The following ABCC1 variants were observed in gnomAD, a reference collection of about 807,000 sequenced individuals.
The protein encoded by ABCC1 is multidrug resistance-associated protein 1.
Under a neutral mutation model 172.9 loss-of-function variants are expected in ABCC1, and 83 were observed. The ratio of observed to expected loss-of-function variants is 0.48; its 90% confidence interval spans 0.40 to 0.58. ABCC1 has a LOEUF of 0.58. Ranked by LOEUF, ABCC1 falls within the 20% of genes least tolerant of loss-of-function variation. The pLI, the probability that ABCC1 is intolerant of heterozygous loss-of-function variation, is 0.00. For missense variants in ABCC1, 1,817 were observed against 2,002.7 expected (o/e 0.91, Z 1.77); for synonymous variants, 937 against 825.2 (o/e 1.14, Z -2.32).
intron 26 of ABCC1, among the ~76,000 whole-genome samples, chr16:16,128,590 T>C (rs187499817): frequency 1.3e-4 from 20 of 152,350 alleles, no homozygotes; most frequent in East Asian, 3.9e-4. Flanking sequence ...TATATATAGA[T>C]AGAAAGTTCC....
intron 30 of ABCC1, 21 bp from the exon 31 acceptor site, chr16:16,141,152 T>G: frequency 1.2e-6 from 2 of 1,610,862 alleles, no homozygotes; most frequent in Non-Finnish European, 1.7e-6. Context: ...TCCCCTCATG[T>G]CTGTATCCCC....
intron 1 of ABCC1, among the ~76,000 whole-genome samples, chr16:15,985,194 A>C (rs1038053807): frequency 6.6e-6 from 1 of 152,326 alleles, no homozygotes; most frequent in Admixed American, 6.5e-5. Flanking sequence ...GCCATTCTAA[A>C]GCATTTTCCT....
At chr16:16,050,593 A>G (rs1329367095) in intron 10 of ABCC1, among the ~76,000 whole-genome samples, 1 of 152,016 alleles carries the variant, frequency 6.6e-6, no homozygotes, top group Non-Finnish European at 1.5e-5. Flanking sequence ...CCAGAATTTA[A>G]TTGTCTAATA....
intron 19 of ABCC1, among the ~76,000 whole-genome samples, chr16:16,101,397 A>G (rs1209120106): frequency 6.6e-6 from 1 of 152,142 alleles, no homozygotes; most frequent in Non-Finnish European, 1.5e-5. Context: ...AATTCCTGGC[A>G]TGGAGTGCCT....
intron 11 of ABCC1, among the ~76,000 whole-genome samples, chr16:16,053,774 CAAAAAAAAAAAAAAAA>C (rs10526186): frequency 7.6e-3 from 276 of 36,182 alleles, no homozygotes; most frequent in Non-Finnish European, 0.017. Flanking sequence ...GACCCTGTCT[CAAAAAAAAAAAAAAAA>C]AAAAAAAAAA....
intron 19 of ABCC1, among the ~76,000 whole-genome samples, chr16:16,097,340 G>A (rs535448383): frequency 5.3e-5 from 8 of 152,050 alleles, no homozygotes; most frequent in South Asian, 2.1e-4. Context: ...CTTGAACTCC[G>A]GACCTCAAGT....
chr16:16,044,832 T>C, intron 8 of ABCC1, 152 bp downstream of exon 8: 1 of 733,414 alleles, frequency 1.4e-6, no homozygotes, highest in Non-Finnish European at 2.2e-6. Flanking sequence ...TTGAAAAAAA[T>C]AGAGACAGGG....
At chr16:16,129,198 C>T (rs1308190906) in intron 26 of ABCC1, among the ~76,000 whole-genome samples, 1 of 152,124 alleles carries the variant, frequency 6.6e-6, no homozygotes, top group African/African-American at 2.4e-5. Context: ...ACCTGTTATC[C>T]TGTGAAACCT....
chr16:16,064,228 G>A (rs1036833930), intron 12 of ABCC1, among the ~76,000 whole-genome samples: 4 of 152,070 alleles, frequency 2.6e-5, no homozygotes, highest in African/African-American at 9.7e-5. Context: ...GTGTATGAAG[G>A]GCTTTTGCAC....
chr16:16,019,288 G>A (rs2048114755), intron 5 of ABCC1, among the ~76,000 whole-genome samples: 1 of 152,046 alleles, frequency 6.6e-6, no homozygotes. Flanking sequence ...ATTTTTAGTA[G>A]AGATGGGGCT....
intron 30 of ABCC1, among the ~76,000 whole-genome samples, chr16:16,140,350 TTATTTTATA>T (rs1316817176): frequency 2.0e-5 from 3 of 152,154 alleles, no homozygotes; most frequent in Admixed American, 1.3e-4. Context: ...AGTTTCTATT[TTATTTTATA>T]TATTTTTGAG....
At chr16:16,133,405 T>C (rs1249867432) in intron 27 of ABCC1, among the ~76,000 whole-genome samples, 11 of 151,512 alleles carry the variant, frequency 7.3e-5, no homozygotes. Flanking sequence ...TGTTTTTGTT[T>C]TGTTTTGTTT....
Position 16,106,823 on chromosome 16 carries a change from AAGG to A in ABCC1, c.2827_2829del (p.Glu943del), listed in dbSNP as rs771292350. 3 of 1,614,156 alleles carry A rather than the reference AAGG, an allele frequency of 1.9e-6. No homozygotes were observed. The highest frequency in any genetic ancestry group is 2.2e-5 in the South Asian group (2 of 91,082). ...AGAACTGCAGAAAGCTGAGGCCAAG[AAGG>A]AGGAGACCTGGAAGCTGATGGAGGC... is the stretch of plus-strand genomic sequence containing the variant. On this transcript the variant is annotated inframe_deletion, in exon 21 of 31. Coordinates refer to ENST00000399410, the MANE Select transcript of ABCC1 (RefSeq NM_004996.4).
At chr16:15,956,654 A>G (rs1467816995) in intron 1 of ABCC1, among the ~76,000 whole-genome samples, 2 of 152,078 alleles carry the variant, frequency 1.3e-5, no homozygotes, top group South Asian at 2.1e-4. Flanking sequence ...TACCTTGTAT[A>G]TATATTATAT....
chr16:16,021,769 G>A (rs17841264), intron 5 of ABCC1, among the ~76,000 whole-genome samples: 19,501 of 152,120 alleles, frequency 0.13, 1,730 homozygotes, highest in African/African-American at 0.25. Flanking sequence ...ACCTAGCAAC[G>A]TAGCCTAGCA....
At chr16:16,034,695 C>T (rs193096330) in intron 6 of ABCC1, among the ~76,000 whole-genome samples, 29 of 143,900 alleles carry the variant, frequency 2.0e-4, no homozygotes, top group Non-Finnish European at 3.6e-4. Context: ...TCAAGAGATT[C>T]TCCTGTCTCA....
At chr16:15,979,032 C>T (rs997317139) in intron 1 of ABCC1, among the ~76,000 whole-genome samples, 12 of 152,074 alleles carry the variant, frequency 7.9e-5, no homozygotes, top group African/African-American at 2.7e-4. Flanking sequence ...GTGGCTCACA[C>T]CCGTAGTCCC....
intron 5 of ABCC1, among the ~76,000 whole-genome samples, chr16:16,030,302 C>G (rs1408377676): frequency 6.6e-6 from 1 of 152,078 alleles, no homozygotes; most frequent in South Asian, 2.1e-4. Context: ...GTGGGCAGAT[C>G]ACTTGAGTCA....
At chr16:15,997,805 C>CT (rs34346901) in intron 1 of ABCC1, among the ~76,000 whole-genome samples, 3,453 of 116,806 alleles carry the variant, frequency 0.03, 187 homozygotes, top group Non-Finnish European at 0.038. Context: ...GCCTCGATAC[C>CT]TTTTTTTTTT....
Sources: allele counts gnomAD v4.1 joint callset (sites outside exome capture counted in the v4.1 genomes callset), GRCh38; gene constraint gnomAD v4.1.1; transcripts MANE v1.5; gene names NCBI Gene and HGNC (gene_info 2026-07-23, HGNC 2026-07-21).